Variants in TMEM164 observed in about 807,000 individuals in gnomAD.
The protein encoded by TMEM164 is transmembrane protein 164.
TMEM164 carries 4 observed loss-of-function variants against 18.8 expected under a neutral mutation model. The ratio of observed to expected loss-of-function variants is 0.21; its 90% CI spans 0.10 to 0.49. TMEM164 has a LOEUF of 0.49. Ranked by LOEUF, TMEM164 falls within the 20% of genes least tolerant of loss-of-function variation. TMEM164 has a pLI of 0.98. For synonymous variants in TMEM164, 86 were observed against 101.7 expected, an observed-to-expected ratio of 0.85 and a Z score of 0.93; for missense variants, 108 against 239.9, an observed-to-expected ratio of 0.45 and a Z score of 3.63.
chrX:110,005,389 G>A (rs781043013), intron 2 of TMEM164, among the ~76,000 whole-genome samples: 2 of 111,864 alleles, frequency 1.8e-5, no homozygotes, highest in African/African-American at 6.5e-5. Context: ...GAGGGTGGCA[G>A]TGGGTGGTGG....
intron 4 of TMEM164, among the ~76,000 whole-genome samples, chrX:110,119,749 C>T (rs752130011): frequency 1.8e-5 from 2 of 111,252 alleles, no homozygotes; most frequent in Non-Finnish European, 3.8e-5. Flanking sequence ...CAGGGCCTGG[C>T]GCATAGGAGA....
At chrX:110,163,257 A>T (rs1387204596) in intron 5 of TMEM164, among the ~76,000 whole-genome samples, 1 of 112,396 alleles carries the variant, frequency 8.9e-6, no homozygotes, top group Non-Finnish European at 1.9e-5. Context: ...TGTCCAATAA[A>T]AACATGTGAG....
intron 2 of TMEM164, among the ~76,000 whole-genome samples, chrX:110,040,125 G>T (rs1235154640): frequency 8.9e-6 from 1 of 112,174 alleles, no homozygotes; most frequent in African/African-American, 3.2e-5. Flanking sequence ...TGTCTCTGTT[G>T]CTATCTCTTT....
chrX:110,014,440 A>C (rs1602471344), intron 2 of TMEM164, among the ~76,000 whole-genome samples: 1 of 111,901 alleles, frequency 8.9e-6, no homozygotes, highest in East Asian at 2.8e-4. Context: ...ATGTGAAGGT[A>C]CTTTAAATTA....
chrX:110,148,026 G>A (rs1221448469), intron 5 of TMEM164, among the ~76,000 whole-genome samples: 1 of 110,483 alleles, frequency 9.1e-6, no homozygotes, highest in African/African-American at 3.3e-5. Flanking sequence ...TTTTCAGTGT[G>A]CCCAGTCTTG....
chrX:110,061,012 G>T (rs769526610), intron 2 of TMEM164, among the ~76,000 whole-genome samples: 1 of 112,237 alleles, frequency 8.9e-6, no homozygotes, highest in East Asian at 2.8e-4. Context: ...AGCCTAAAGG[G>T]TTAAGTATTC....
Position 110,078,169 on chromosome X carries a change from T to TA in TMEM164, c.440+10773_440+10774insA, listed in dbSNP as rs752668124. On this transcript the variant is annotated intron_variant, in intron 3 of 6. Coordinates refer to ENST00000372068, the MANE Select transcript of TMEM164 (RefSeq NM_032227.4). ...TTGCTCATTTTTAAAAATTCTTTTT[T>TA]CTTTATTCTTGTCTGACTGGGTTAA... Among the ~76,000 whole-genome samples the TA allele has an allele frequency of 4.1e-3, 462 of 112,253 alleles. 1 individual carries two copies. The highest frequency in any genetic ancestry group is 0.014 in the African/African-American group (425 of 30,930).
chrX:110,101,217 A>AGAT (rs2066105855), intron 3 of TMEM164, among the ~76,000 whole-genome samples: 1 of 111,798 alleles, frequency 8.9e-6, no homozygotes, highest in Non-Finnish European at 1.9e-5. Context: ...TTTCTGAACA[A>AGAT]GATTGTATAA....
chrX:110,039,829 A>T (rs1935013202), intron 2 of TMEM164, among the ~76,000 whole-genome samples: 1 of 111,856 alleles, frequency 8.9e-6, no homozygotes, highest in South Asian at 3.7e-4. Context: ...TGTTCTAGGG[A>T]TTCAGTGTGT....
At chrX:110,065,722 C>T (rs1402505427) in intron 2 of TMEM164, among the ~76,000 whole-genome samples, 1 of 111,336 alleles carries the variant, frequency 9.0e-6, no homozygotes, top group Non-Finnish European at 1.9e-5. Flanking sequence ...TCAGAGAGGC[C>T]GTACAGTGCA....
At chrX:110,166,032 G>A (rs2067154754) in intron 5 of TMEM164, among the ~76,000 whole-genome samples, 1 of 112,073 alleles carries the variant, frequency 8.9e-6, no homozygotes, top group Admixed American at 9.4e-5. Flanking sequence ...TGGCAAACAA[G>A]GCTCTTCATG....
intron 4 of TMEM164, among the ~76,000 whole-genome samples, chrX:110,111,554 C>T (rs1269666413): frequency 8.9e-6 from 1 of 112,107 alleles, no homozygotes; most frequent in African/African-American, 3.2e-5. Context: ...AAATCTCCCC[C>T]TAGGCTAATA....
chrX:110,086,862 A>G (rs1204662303), intron 3 of TMEM164, among the ~76,000 whole-genome samples: 1 of 110,739 alleles, frequency 9.0e-6, no homozygotes, highest in African/African-American at 3.3e-5. Context: ...GAGACATTTG[A>G]GTATTTAAGA....
chrX:110,061,535 T>A (rs1936121658), intron 2 of TMEM164, among the ~76,000 whole-genome samples: 1 of 112,220 alleles, frequency 8.9e-6, no homozygotes, highest in Non-Finnish European at 1.9e-5. Context: ...GTTGTGGACA[T>A]TACCAAATAC....
intron 4 of TMEM164, among the ~76,000 whole-genome samples, chrX:110,138,764 A>T (rs1452502896): frequency 8.9e-6 from 1 of 112,306 alleles, no homozygotes; most frequent in East Asian, 2.8e-4. Context: ...TGTTAATTGC[A>T]TAATGGAGTG....
At chrX:110,102,816 T>C in intron 3 of TMEM164, among the ~76,000 whole-genome samples, 1 of 112,429 alleles carries the variant, frequency 8.9e-6, no homozygotes, top group Non-Finnish European at 1.9e-5. Flanking sequence ...AATGTAGACT[T>C]GATTCCAAAC....
At chrX:110,118,332 T>C (rs747302134) in intron 4 of TMEM164, among the ~76,000 whole-genome samples, 2 of 112,223 alleles carry the variant, frequency 1.8e-5, no homozygotes, top group Non-Finnish European at 3.8e-5. Context: ...TTCTATTCTC[T>C]GTGGGTAAGG....
chrX:110,126,846 G>A (rs2066538608), intron 4 of TMEM164, among the ~76,000 whole-genome samples: 2 of 107,042 alleles, frequency 1.9e-5, no homozygotes, highest in African/African-American at 6.9e-5. Context: ...GTGTGTGTGT[G>A]TGTGTGTGTG....
At chrX:110,094,016 C>T (rs1431543315) in intron 3 of TMEM164, among the ~76,000 whole-genome samples, 3 of 111,241 alleles carry the variant, frequency 2.7e-5, no homozygotes, top group Non-Finnish European at 5.7e-5. Context: ...TTTCTTAATC[C>T]TGAGTTCTAG....
Sources: gnomAD v4.1 joint callset for allele counts (sites outside exome capture counted in the v4.1 genomes callset) on GRCh38, gnomAD v4.1.1 for gene constraint, MANE v1.5 for transcripts, NCBI Gene and HGNC (gene_info 2026-07-23, HGNC 2026-07-21) for gene names.